The following GPHN variants were observed in gnomAD, a reference collection of about 807,000 sequenced individuals.
GPHN encodes the protein gephyrin.
GPHN carries 17 observed loss-of-function variants against 95.5 expected under a neutral mutation model. The observed-to-expected ratio is 0.18, with a 90% CI of 0.12 to 0.27. GPHN has a LOEUF of 0.27. Among genes scored for constraint, GPHN ranks in the 10% least tolerant of loss-of-function variants. The pLI is 1.00. For synonymous variants in GPHN, 320 were observed against 322.5 expected (o/e 0.99, Z 0.08); for missense variants, 660 against 978.1 (o/e 0.67, Z 4.34).
At chr14:66,585,600 G>A (rs1007992522) in intron 1 of GPHN, among the ~76,000 whole-genome samples, 45 of 152,020 alleles carry the variant, frequency 3.0e-4, no homozygotes, top group Admixed American at 2.0e-3. Flanking sequence ...CTTTGTTCTC[G>A]TTGGTTTCAA....
intron 1 of GPHN, among the ~76,000 whole-genome samples, chr14:66,618,171 T>G (rs2063129708): frequency 6.6e-6 from 1 of 152,170 alleles, no homozygotes; most frequent in African/African-American, 2.4e-5. Flanking sequence ...TGAATATCCT[T>G]GGTTAGTTGA....
At chr14:67,023,838 T>G (rs959706328) in intron 10 of GPHN, among the ~76,000 whole-genome samples, 163 bp downstream of exon 10, 3 of 152,188 alleles carry the variant, frequency 2.0e-5, no homozygotes, top group Non-Finnish European at 2.9e-5. Context: ...ATCAATACAT[T>G]AATAAATATT....
chr14:67,224,051 C>G, the GPHN span: 3 of 915,664 alleles, frequency 3.3e-6, no homozygotes, highest in Non-Finnish European at 3.9e-6. Flanking sequence ...TCACATTCAC[C>G]CAGCAATGCT....
the GPHN span, among the ~76,000 whole-genome samples, chr14:67,286,731 G>A: frequency 6.6e-6 from 1 of 151,346 alleles, no homozygotes; most frequent in African/African-American, 2.4e-5. Flanking sequence ...GGTGGAATGC[G>A]ACTGTGGTCT....
the GPHN span, among the ~76,000 whole-genome samples, chr14:67,280,792 T>TTTCCTTCCTTCCTTCCTTCCTTCCTTCC: frequency 3.9e-5 from 3 of 77,664 alleles, no homozygotes; most frequent in Non-Finnish European, 8.1e-5. Context: ...TCTGGAGCAG[T>TTTCCTTCCTTCCTTCCTTCCTTCCTTCC]TTCCTTCCTT....
chr14:67,400,453 A>T, the GPHN span, among the ~76,000 whole-genome samples: 2 of 152,164 alleles, frequency 1.3e-5, no homozygotes, highest in Admixed American at 6.5e-5. Context: ...CTTCTCAGCT[A>T]TTGGGGTTCT....
the GPHN span, chr14:67,577,305 C>T: frequency 5.4e-5 from 85 of 1,560,998 alleles, no homozygotes; most frequent in Non-Finnish European, 6.5e-5. Flanking sequence ...TGGGCAGATT[C>T]GCCGCTCTGG....
chr14:67,456,042 G>C, the GPHN span, among the ~76,000 whole-genome samples: 2 of 152,084 alleles, frequency 1.3e-5, no homozygotes, highest in Non-Finnish European at 2.9e-5. Context: ...CTACAGAATG[G>C]GAGAAAATAT....
intron 9 of GPHN, among the ~76,000 whole-genome samples, chr14:66,971,792 A>G (rs1466934749): frequency 2.0e-5 from 3 of 152,330 alleles, no homozygotes; most frequent in African/African-American, 7.2e-5. Context: ...TTTGGAACAC[A>G]TATATTGGTC....
the GPHN span, among the ~76,000 whole-genome samples, chr14:67,461,225 C>T: frequency 6.6e-6 from 1 of 152,128 alleles, no homozygotes; most frequent in African/African-American, 2.4e-5. Flanking sequence ...ACAGTCATTG[C>T]CTCTTTTAAT....
chr14:66,653,210 G>A (rs1456405026), intron 1 of GPHN, among the ~76,000 whole-genome samples: 1 of 152,162 alleles, frequency 6.6e-6, no homozygotes, highest in Non-Finnish European at 1.5e-5. Flanking sequence ...TAAAAAGAAA[G>A]TGTGATGGTT....
chr14:67,600,800 A>G, the GPHN span, among the ~76,000 whole-genome samples: 4 of 152,136 alleles, frequency 2.6e-5, no homozygotes, highest in Non-Finnish European at 5.9e-5. Flanking sequence ...GTTGGTCTCA[A>G]ACTCCTGACC....
At chr14:66,651,113 A>C (rs1427742479) in intron 1 of GPHN, among the ~76,000 whole-genome samples, 3 of 152,178 alleles carry the variant, frequency 2.0e-5, no homozygotes, top group Non-Finnish European at 4.4e-5. Flanking sequence ...CACTGGCCAG[A>C]GTTTGAGTTA....
intron 1 of GPHN, among the ~76,000 whole-genome samples, chr14:66,607,041 G>A (rs1318249165): frequency 6.6e-6 from 1 of 152,036 alleles, no homozygotes; most frequent in Non-Finnish European, 1.5e-5. Flanking sequence ...GAATGACTCC[G>A]GCTTTTGCCC....
chr14:67,341,031 C>T, the GPHN span, among the ~76,000 whole-genome samples: 2 of 152,166 alleles, frequency 1.3e-5, no homozygotes, highest in Non-Finnish European at 1.5e-5. Flanking sequence ...CTACAACCTC[C>T]ACCTCCCAGC....
chr14:67,658,138 C>T, the GPHN span, among the ~76,000 whole-genome samples: 14 of 152,040 alleles, frequency 9.2e-5, no homozygotes, highest in South Asian at 1.7e-3. Context: ...GTTAGGTTAG[C>T]GCAAAGGAAG....
intron 9 of GPHN, among the ~76,000 whole-genome samples, chr14:66,972,315 G>A (rs1019191598): frequency 6.8e-6 from 1 of 147,084 alleles, no homozygotes; most frequent in African/African-American, 2.5e-5. Context: ...GCTAGAAATA[G>A]TATTACTGGC....
rs75181449 is a variant in GPHN, at chr14:66,574,559, G to A, written c.64+65968G>A. ...TTACTTTCAACTAGATTTCTCTTTA[G>A]CATTTCTTGTAAGGTAGGTGTGGTG... is the stretch of plus-strand genomic sequence containing the variant. On this transcript the variant is annotated intron_variant, in intron 1 of 22. Transcript: ENST00000478722. Among the ~76,000 whole-genome samples, 556 of 152,182 alleles carry A rather than the reference G, an allele frequency of 3.7e-3. 12 individuals carry two copies. Among genetic ancestry groups the A allele is most frequent in the African/African-American group, 0.013 (530 of 41,504 alleles).
At chr14:66,626,102 A>G (rs549781365) in intron 1 of GPHN, among the ~76,000 whole-genome samples, 18 of 152,294 alleles carry the variant, frequency 1.2e-4, no homozygotes, top group South Asian at 6.2e-4. Flanking sequence ...GATTCTCACC[A>G]TTTAGTATGT....
Sources: allele counts gnomAD v4.1 joint callset (sites outside exome capture counted in the v4.1 genomes callset), GRCh38; gene constraint gnomAD v4.1.1; transcripts MANE v1.5; gene names NCBI Gene and HGNC (gene_info 2026-07-23, HGNC 2026-07-21).